The following NFYC variants were observed in gnomAD, a reference collection of about 807,000 sequenced individuals.
NFYC encodes CAAT box DNA-binding protein subunit C.
Under a neutral mutation model 53.1 loss-of-function variants are expected in NFYC, and 25 were observed. The ratio of observed to expected loss-of-function variants is 0.47; its 90% CI spans 0.34 to 0.66. The LOEUF (loss-of-function observed/expected upper bound fraction) is 0.66, where lower values mean the gene tolerates loss of function less well. Among genes scored for constraint, NFYC ranks in the 30% least tolerant of loss-of-function variants. The pLI, the probability that NFYC is intolerant of heterozygous loss-of-function variation, is 0.01. For synonymous variants in NFYC, 145 were observed against 152.6 expected (o/e 0.95, Z 0.37); for missense variants, 260 against 422.7 (o/e 0.62, Z 3.38).
At chr1:40,694,393 C>A (rs1289882403) in intron 1 of NFYC, among the ~76,000 whole-genome samples, 1 of 152,204 alleles carries the variant, frequency 6.6e-6, no homozygotes, top group Non-Finnish European at 1.5e-5. Context: ...AGTTGGAAAT[C>A]TTAATTGCTT....
intron 1 of NFYC, among the ~76,000 whole-genome samples, chr1:40,725,124 A>G (rs749815817): frequency 6.6e-6 from 1 of 152,204 alleles, no homozygotes; most frequent in East Asian, 1.9e-4. Context: ...TGTAAGTAAT[A>G]AGGTTTCAGG....
intron 7 of NFYC, 114 bp from the exon 8 acceptor site, chr1:40,766,482 T>C: frequency 1.3e-6 from 1 of 745,036 alleles, no homozygotes; most frequent in Non-Finnish European, 2.2e-6. Context: ...AGGGCAGGCT[T>C]CTTTGGAGGG....
At chr1:40,751,798 A>G (rs1406210803) in intron 4 of NFYC, among the ~76,000 whole-genome samples, 1 of 152,208 alleles carries the variant, frequency 6.6e-6, no homozygotes, top group East Asian at 1.9e-4. Context: ...TATTCCATCA[A>G]TAAATGAGCC....
At chr1:40,763,179 G>GAT (rs1156900854) in intron 7 of NFYC, 133 bp downstream of exon 7, 2 of 744,020 alleles carry the variant, frequency 2.7e-6, no homozygotes, top group South Asian at 2.2e-5. Context: ...TATATACCTT[G>GAT]ATATATATAT....
intron 1 of NFYC, among the ~76,000 whole-genome samples, chr1:40,704,721 A>C (rs1292014231): frequency 2.0e-5 from 3 of 152,224 alleles, no homozygotes; most frequent in African/African-American, 7.2e-5. Flanking sequence ...AATCTGGTAC[A>C]TCCGAAGCAG....
At chr1:40,735,329 G>A (rs1350256497) in intron 1 of NFYC, 1 of 152,164 alleles carries the variant, frequency 6.6e-6, no homozygotes, top group African/African-American at 2.4e-5. Flanking sequence ...TACATTTTCA[G>A]TTCCAAAAAA....
Position 40,758,456 on chromosome 1 carries a change from G to T in NFYC, c.561+162G>T, listed in dbSNP as rs1282519122. ...TCCCCAGATTCAGCTACTGGGGTGA[G>T]ATGTTACCCTAATCTCTCTGGACCC... On this transcript the variant is annotated intron_variant, in intron 6 of 9. Coordinates refer to ENST00000447388, the MANE Select transcript of NFYC (RefSeq NM_014223.5). The T allele has an allele frequency of 4.0e-6, 3 of 744,684 alleles. No homozygotes were observed. In the East Asian group the frequency reaches 8.4e-5, roughly 21 times the overall value. The allele number at this position is 744,684 out of a possible 1,614,324, so 46.1% of individuals were successfully genotyped here.
In NFYC at chr1:40,692,057, G is replaced by T. The variant is rs768774013; in HGVS notation, c.-9+190G>T. 2.4e-5 allele frequency: 5 copies of T among 208,922 alleles called. No homozygotes were observed. In the Middle Eastern group the frequency reaches 2.7e-3, roughly 111 times the overall value. The allele number at this position is 208,922 out of a possible 1,614,324, so 12.9% of individuals were successfully genotyped here. On this transcript the variant is annotated intron_variant, in intron 1 of 9. Coordinates refer to ENST00000447388, the MANE Select transcript of NFYC (RefSeq NM_014223.5). ...TGCTGTCGCCGCCGCCGCGCTCGTG[G>T]GGTCCGTGTGCCTCGTCGGCCCGGC...
intron 1 of NFYC, among the ~76,000 whole-genome samples, chr1:40,738,242 C>T (rs1344037584): frequency 6.6e-6 from 1 of 152,182 alleles, no homozygotes; most frequent in African/African-American, 2.4e-5. Context: ...CTATGTTGCC[C>T]AGGCTGTCTT....
chr1:40,753,305 C>CA, intron 5 of NFYC, 59 bp downstream of exon 5: 1 of 1,112,584 alleles, frequency 9.0e-7, no homozygotes, highest in Non-Finnish European at 1.4e-6. Flanking sequence ...ATACTGGTGT[C>CA]AGATACGCTC....
intron 5 of NFYC, among the ~76,000 whole-genome samples, chr1:40,754,158 T>G (rs1405660618): frequency 6.6e-6 from 1 of 152,132 alleles, no homozygotes; most frequent in Admixed American, 6.6e-5. Context: ...TATATTATCC[T>G]TAGAAGCAGT....
intron 1 of NFYC, among the ~76,000 whole-genome samples, chr1:40,696,153 A>G (rs1643131582): frequency 6.6e-6 from 1 of 151,424 alleles, no homozygotes; most frequent in South Asian, 2.1e-4. Flanking sequence ...CCTCCTGAGT[A>G]GCTGGGATTA....
rs747585477 is a variant in NFYC at position 40,770,747 on chromosome 1, C to T, written c.927C>T (p.Gly309=). The T allele has an allele frequency of 6.8e-6, 11 of 1,614,000 alleles. No individual in the cohort carries two copies. Among genetic ancestry groups the T allele is most frequent in the South Asian group, 6.6e-5 (6 of 91,088 alleles). ...YQIQQVTMPA[G]QDLAQPMFIQ... is the part of the protein sequence containing the mutation. ...TCCAGCAAGTCACCATGCCTGCGGG[C>T]CAGGACCTCGCCCAGCCCATGTTCA... Residue 309 remains glycine (G), a synonymous_variant, in exon 10 of 10, where the codon GGC becomes GGT. Coordinates refer to ENST00000447388, the MANE Select transcript of NFYC (RefSeq NM_014223.5). The surrounding 1 kb of genome is among the most constrained non-coding windows in gnomAD (Gnocchi z 5.3).
At chr1:40,706,226 G>A (rs1643686388) in intron 1 of NFYC, among the ~76,000 whole-genome samples, 2 of 151,916 alleles carry the variant, frequency 1.3e-5, no homozygotes, top group Admixed American at 6.6e-5. Flanking sequence ...CAGATGTATG[G>A]CTAGGGACCA....
intron 2 of NFYC, among the ~76,000 whole-genome samples, chr1:40,742,014 C>T (rs1217904822): frequency 6.6e-6 from 1 of 152,050 alleles, no homozygotes; most frequent in Admixed American, 6.5e-5. Flanking sequence ...AGGGACCCTT[C>T]CTACTCAGTC....
rs774849742 is a variant in NFYC at position 40,769,428 on chromosome 1, A to G, written c.888+13A>G. ...CACAGATGGACAGGTAGGGTACCCAACCTGGGCTGGGCAGAGGGTGAGGAT... is the reference window on the plus strand; with the variant it reads ...CACAGATGGACAGGTAGGGTACCCAGCCTGGGCTGGGCAGAGGGTGAGGAT... On this transcript the variant is annotated intron_variant, in intron 9 of 9. Transcript: ENST00000447388. The G allele has an allele frequency of 6.8e-6, 11 of 1,613,448 alleles. No individual in the cohort carries two copies. The highest frequency in any genetic ancestry group is 6.7e-5 in the East Asian group (3 of 44,880).
At chr1:40,696,024 G>GTTTTT (rs35472258) in intron 1 of NFYC, among the ~76,000 whole-genome samples, 9 of 136,668 alleles carry the variant, frequency 6.6e-5, no homozygotes, top group African/African-American at 1.6e-4. Flanking sequence ...TTGTAATTCT[G>GTTTTT]TTTTTTTTTT....
chr1:40,752,183 A>G (rs1645953385), intron 4 of NFYC, among the ~76,000 whole-genome samples: 1 of 152,216 alleles, frequency 6.6e-6, no homozygotes, highest in African/African-American at 2.4e-5. Flanking sequence ...CCTAGATTCT[A>G]CCATAAACAT....
chr1:40,757,334 G>C (rs368399521), intron 5 of NFYC: 2 of 534,274 alleles, frequency 3.7e-6, no homozygotes, highest in African/African-American at 3.8e-5. Flanking sequence ...GTGAGCTCAA[G>C]GTGGCTGGGA....
Sources: allele counts gnomAD v4.1 joint callset (sites outside exome capture counted in the v4.1 genomes callset), GRCh38; gene constraint gnomAD v4.1.1; non-coding constraint Gnocchi (gnomAD v3.1); transcripts MANE v1.5; gene names NCBI Gene and HGNC (gene_info 2026-07-23, HGNC 2026-07-21).